The following FGGY variants were observed in gnomAD, a reference collection of about 807,000 sequenced individuals.
FGGY encodes the protein FGGY carbohydrate kinase domain containing.
In FGGY, 72 loss-of-function variants were observed where a neutral mutation model predicts 71.3. The observed-to-expected ratio is 1.01, with a 90% CI of 0.84 to 1.23. FGGY has a LOEUF of 1.23. Among genes scored for constraint, FGGY ranks in the 50% most tolerant of loss-of-function variants. The pLI, the probability that FGGY is intolerant of heterozygous loss-of-function variation, is 0.00. For synonymous variants in FGGY, 251 were observed against 250.3 expected, an observed-to-expected ratio of 1.00 and a Z score of -0.02; for missense variants, 668 against 682.3, an observed-to-expected ratio of 0.98 and a Z score of 0.23.
At chr1:59,298,195 A>G (rs1280913942) in intron 1 of FGGY, among the ~76,000 whole-genome samples, 1 of 152,110 alleles carries the variant, frequency 6.6e-6, no homozygotes, top group Non-Finnish European at 1.5e-5. Context: ...TTCCAGCCAG[A>G]TGACTGCCGC....
chr1:59,608,027 T>G, intron 9 of FGGY, 117 bp downstream of exon 9: 3 of 753,248 alleles, frequency 4.0e-6, no homozygotes, highest in Non-Finnish European at 6.6e-6. Context: ...TGAATCGGGG[T>G]GTACTTTCTC....
At chr1:59,593,510 T>C (rs1361791127) in intron 8 of FGGY, among the ~76,000 whole-genome samples, 1 of 152,200 alleles carries the variant, frequency 6.6e-6, no homozygotes, top group East Asian at 1.9e-4. Flanking sequence ...GGGATAAAGA[T>C]ACCTATCTCA....
intron 15 of FGGY, among the ~76,000 whole-genome samples, chr1:59,758,676 A>G (rs1290771073): frequency 1.3e-5 from 2 of 152,246 alleles, no homozygotes; most frequent in Non-Finnish European, 2.9e-5. Flanking sequence ...GCAAGAAAGA[A>G]CATTCATAGT....
intron 8 of FGGY, among the ~76,000 whole-genome samples, chr1:59,607,086 A>C (rs577801943): frequency 6.6e-6 from 1 of 152,356 alleles, no homozygotes; most frequent in East Asian, 1.9e-4. Flanking sequence ...CCTTAGTGAC[A>C]AACAACAGTA....
chr1:59,399,108 T>C (rs2061647991), intron 5 of FGGY, among the ~76,000 whole-genome samples: 1 of 152,336 alleles, frequency 6.6e-6, no homozygotes, highest in East Asian at 1.9e-4. Context: ...ATCTGTATAG[T>C]GGGCATAATA....
At chr1:59,530,946 C>G (rs2153663598) in intron 7 of FGGY, among the ~76,000 whole-genome samples, 1 of 152,240 alleles carries the variant, frequency 6.6e-6, no homozygotes, top group African/African-American at 2.4e-5. Context: ...TGTAAGAGAC[C>G]TTGAAGGCCA....
At chr1:59,647,923 A>C (rs1311955834) in intron 11 of FGGY, among the ~76,000 whole-genome samples, 1 of 87,952 alleles carries the variant, frequency 1.1e-5, no homozygotes, top group Non-Finnish European at 2.2e-5. Context: ...CACAGTCCCC[A>C]GAGTGTGATA....
chr1:59,322,962 T>A (rs1394488909), intron 2 of FGGY, among the ~76,000 whole-genome samples: 1 of 152,194 alleles, frequency 6.6e-6, no homozygotes, highest in Admixed American at 6.5e-5. Flanking sequence ...TTGATCAGTC[T>A]GTTTAAACTT....
At chr1:59,594,327 C>G (rs1452763166) in intron 8 of FGGY, among the ~76,000 whole-genome samples, 2 of 152,224 alleles carry the variant, frequency 1.3e-5, no homozygotes, top group African/African-American at 4.8e-5. Context: ...ATAGTTAGCT[C>G]TCACATGTTG....
At chr1:59,546,529 G>GATT (rs1491122158) in intron 7 of FGGY, among the ~76,000 whole-genome samples, 217 of 91,670 alleles carry the variant, frequency 2.4e-3, no homozygotes, top group African/African-American at 0.01. Context: ...TGATGATGAT[G>GATT]ATGATGATTA....
chr1:59,627,185 G>A (rs2096865043), intron 10 of FGGY, among the ~76,000 whole-genome samples: 1 of 151,804 alleles, frequency 6.6e-6, no homozygotes. Flanking sequence ...AAAGAAAAAA[G>A]AAAAGAACCT....
chr1:59,563,978 GC>G (rs1265568399), intron 8 of FGGY, among the ~76,000 whole-genome samples: 1 of 152,128 alleles, frequency 6.6e-6, no homozygotes. Flanking sequence ...GGGAAAACTG[GC>G]TAGCCATATG....
chr1:59,477,346 C>A (rs756062265), intron 6 of FGGY, among the ~76,000 whole-genome samples: 14 of 152,152 alleles, frequency 9.2e-5, no homozygotes, highest in Non-Finnish European at 1.8e-4. Context: ...AGTTTCCCAG[C>A]ACCAGCTAAC....
At chr1:59,760,750 T>C (rs952218194) in intron 15 of FGGY, among the ~76,000 whole-genome samples, 3 of 152,190 alleles carry the variant, frequency 2.0e-5, no homozygotes, top group African/African-American at 7.2e-5. Flanking sequence ...TGCACAAAGT[T>C]GTGGCAAAGT....
intron 15 of FGGY, among the ~76,000 whole-genome samples, chr1:59,758,670 G>C (rs1413275870): frequency 1.3e-5 from 2 of 152,190 alleles, no homozygotes; most frequent in African/African-American, 4.8e-5. Context: ...GCCAAGGCAA[G>C]AAAGAACATT....
At chr1:59,437,884 C>T (rs2068825211) in intron 5 of FGGY, among the ~76,000 whole-genome samples, 1 of 152,174 alleles carries the variant, frequency 6.6e-6, no homozygotes, top group Non-Finnish European at 1.5e-5. Context: ...CCCACATGGC[C>T]TCTGACCAGT....
chr1:59,622,440 T>C (rs2096820071), intron 9 of FGGY, among the ~76,000 whole-genome samples: 1 of 152,168 alleles, frequency 6.6e-6, no homozygotes, highest in Non-Finnish European at 1.5e-5. Flanking sequence ...CTTTTGAGTA[T>C]TGATTTTTTG....
chr1:59,335,325 G>A (rs755927010), intron 2 of FGGY, among the ~76,000 whole-genome samples: 18 of 151,962 alleles, frequency 1.2e-4, no homozygotes, highest in Admixed American at 7.9e-4. Context: ...TTTTATATCT[G>A]GCTCTTTTCA....
intron 2 of FGGY, among the ~76,000 whole-genome samples, chr1:59,323,995 A>G (rs1001129558): frequency 6.6e-6 from 1 of 152,194 alleles, no homozygotes; most frequent in African/African-American, 2.4e-5. Context: ...ACACTGGTCT[A>G]GGGCAAAGGG....
Sources: gnomAD v4.1 joint callset for allele counts (sites outside exome capture counted in the v4.1 genomes callset) on GRCh38, gnomAD v4.1.1 for gene constraint, MANE v1.5 for transcripts, NCBI Gene and HGNC (gene_info 2026-07-23, HGNC 2026-07-21) for gene names.